The following VRK2 variants were observed in gnomAD, a reference collection of about 807,000 sequenced individuals.
VRK2 encodes serine/threonine-protein kinase VRK2.
Under a neutral mutation model 57.6 loss-of-function variants are expected in VRK2, and 60 were observed. The observed-to-expected ratio is 1.04, with a 90% CI of 0.85 to 1.29. The LOEUF (loss-of-function observed/expected upper bound fraction) is 1.29. Ranked by LOEUF, VRK2 falls within the 50% of genes most tolerant of loss-of-function variation. The pLI, the probability that VRK2 is intolerant of heterozygous loss-of-function variation, is 0.00. For missense variants in VRK2, 705 were observed against 588.1 expected (o/e 1.20, Z -2.06); for synonymous variants, 231 against 199.2 (o/e 1.16, Z -1.35).
chr2:57,910,569 T>C (rs530795214), intron 1 of VRK2, among the ~76,000 whole-genome samples: 1 of 152,318 alleles, frequency 6.6e-6, no homozygotes, highest in Non-Finnish European at 1.5e-5. Flanking sequence ...ATTTACTAAA[T>C]ATTTGACTTT....
At chr2:58,019,160 G>A (rs974269702) in intron 1 of VRK2, among the ~76,000 whole-genome samples, 1 of 152,138 alleles carries the variant, frequency 6.6e-6, no homozygotes, top group Non-Finnish European at 1.5e-5. Flanking sequence ...AAAAATATTT[G>A]TGGAATTAAC....
chr2:58,126,478 A>C (rs776120241), intron 8 of VRK2, among the ~76,000 whole-genome samples: 7 of 152,150 alleles, frequency 4.6e-5, no homozygotes, highest in Non-Finnish European at 8.8e-5. Context: ...AAAGGAGAGT[A>C]GTTGAAAGGG....
chr2:58,005,587 A>G (rs889579823), intron 1 of VRK2, among the ~76,000 whole-genome samples: 1 of 152,186 alleles, frequency 6.6e-6, no homozygotes, highest in Non-Finnish European at 1.5e-5. Flanking sequence ...ATCTGTTGAA[A>G]TGACATAAAA....
chr2:58,075,024 T>C (rs1572961315), intron 2 of VRK2, among the ~76,000 whole-genome samples: 1 of 152,094 alleles, frequency 6.6e-6, no homozygotes, highest in Admixed American at 6.6e-5. Flanking sequence ...TAGGTAGTTT[T>C]TCAGTGCTCA....
At chr2:57,938,075 C>G (rs1345490662) in intron 1 of VRK2, among the ~76,000 whole-genome samples, 1 of 152,118 alleles carries the variant, frequency 6.6e-6, no homozygotes, top group Non-Finnish European at 1.5e-5. Context: ...CGTGATCCAC[C>G]CACCTTTGCC....
rs769857421 is a variant in VRK2, at chr2:58,131,839, C to T, written c.708C>T (p.Leu236=). The T allele has an allele frequency of 3.7e-5, 59 of 1,613,506 alleles. No individual in the cohort carries two copies. The highest frequency in any genetic ancestry group is 3.3e-4 in the South Asian group (30 of 90,978). The part of the protein sequence containing the change: ...ALSRRSDVEI[L]GYCMLRWLCG... ...CCAGACGAAGTGACGTTGAGATCCTCGGCTACTGCATGCTGCGGTGGTTGT... is the reference window on the plus strand; with the variant it reads ...CCAGACGAAGTGACGTTGAGATCCTTGGCTACTGCATGCTGCGGTGGTTGT... Residue 236 remains leucine, a synonymous_variant, in exon 9 of 13, where the codon CTC becomes CTT. Transcript: ENST00000340157.
At chr2:58,044,952 T>C (rs904744198), upstream of VRK2, among the ~76,000 whole-genome samples, 4 of 152,306 alleles carry the variant, frequency 2.6e-5, no homozygotes, top group Middle Eastern at 3.4e-3. Context: ...TATCCTACAA[T>C]GCACAGGACA....
At chr2:58,005,493 T>C (rs919758555) in intron 1 of VRK2, among the ~76,000 whole-genome samples, 4 of 151,904 alleles carry the variant, frequency 2.6e-5, no homozygotes, top group African/African-American at 7.3e-5. Flanking sequence ...TTGCTTTTAA[T>C]AATAAGATAA....
At chr2:58,069,798 T>C (rs2103976924) in intron 2 of VRK2, among the ~76,000 whole-genome samples, 1 of 152,276 alleles carries the variant, frequency 6.6e-6, no homozygotes, top group South Asian at 2.1e-4. Context: ...TTTCCTACTC[T>C]TCTTAACTAG....
At chr2:57,983,587 C>G (rs533875070) in intron 1 of VRK2, among the ~76,000 whole-genome samples, 1 of 152,074 alleles carries the variant, frequency 6.6e-6, no homozygotes, top group Non-Finnish European at 1.5e-5. Context: ...GATTCTAGAT[C>G]GAAAGTATTT....
At chr2:58,089,751 A>T in intron 7 of VRK2, 28 bp downstream of exon 7, 1 of 1,504,880 alleles carries the variant, frequency 6.6e-7, no homozygotes, top group South Asian at 1.2e-5. Flanking sequence ...CTTTTAATAA[A>T]GGTCTTTAAT....
At chr2:58,016,756 G>A (rs1375753535) in intron 1 of VRK2, among the ~76,000 whole-genome samples, 2 of 152,158 alleles carry the variant, frequency 1.3e-5, no homozygotes, top group Non-Finnish European at 1.5e-5. Flanking sequence ...CTAGACTCTC[G>A]TGGAGAATAT....
intron 7 of VRK2, among the ~76,000 whole-genome samples, chr2:58,093,440 T>G (rs1215924697): frequency 1.3e-5 from 2 of 152,060 alleles, no homozygotes; most frequent in South Asian, 4.1e-4. Flanking sequence ...TTTCATGTGT[T>G]TTTTGGCTGC....
At chr2:58,107,766 C>T (rs1052762265) in intron 7 of VRK2, among the ~76,000 whole-genome samples, 4 of 152,238 alleles carry the variant, frequency 2.6e-5, no homozygotes, top group African/African-American at 7.2e-5. Flanking sequence ...GGTCACATCC[C>T]AGTGGACAGT....
At chr2:58,001,156 G>C (rs1673077272) in intron 1 of VRK2, among the ~76,000 whole-genome samples, 1 of 152,124 alleles carries the variant, frequency 6.6e-6, no homozygotes, top group Non-Finnish European at 1.5e-5. Flanking sequence ...TGAACTGTAG[G>C]ATAAACCGAA....
intron 1 of VRK2, among the ~76,000 whole-genome samples, chr2:57,952,705 G>A (rs1671463374): frequency 6.6e-6 from 1 of 151,826 alleles, no homozygotes; most frequent in African/African-American, 2.4e-5. Flanking sequence ...TAAGGAGATG[G>A]GGAGAGCAGG....
intron 1 of VRK2, among the ~76,000 whole-genome samples, chr2:58,021,408 T>C (rs1053142276): frequency 1.3e-5 from 2 of 152,174 alleles, no homozygotes; most frequent in Non-Finnish European, 2.9e-5. Flanking sequence ...ACCTTTATCA[T>C]AGAGGTTTCA....
At chr2:58,059,309 A>G (rs1469817114) in intron 2 of VRK2, among the ~76,000 whole-genome samples, 1 of 152,036 alleles carries the variant, frequency 6.6e-6, no homozygotes, top group Non-Finnish European at 1.5e-5. Context: ...AACTGAATAC[A>G]TTTGTCTAGT....
At chr2:58,146,263 A>C in intron 11 of VRK2, 53 bp from the exon 12 acceptor site, 1 of 1,463,854 alleles carries the variant, frequency 6.8e-7, no homozygotes, top group Non-Finnish European at 9.1e-7. Flanking sequence ...TGCATTTTTT[A>C]GAGAAATACC....
Sources: gnomAD v4.1 joint callset for allele counts (sites outside exome capture counted in the v4.1 genomes callset) on GRCh38, gnomAD v4.1.1 for gene constraint, MANE v1.5 for transcripts, NCBI Gene and HGNC (gene_info 2026-07-23, HGNC 2026-07-21) for gene names.